The following CLSTN2 variants were observed in gnomAD, a reference collection of about 807,000 sequenced individuals.
CLSTN2 encodes calsyntenin-2.
CLSTN2 carries 48 observed loss-of-function variants against 101.2 expected under a neutral mutation model. That is an observed-to-expected ratio of 0.47 (90% CI 0.38 to 0.60). CLSTN2 has a LOEUF of 0.60. Among genes scored for constraint, CLSTN2 ranks in the 20% least tolerant of loss-of-function variants. The probability of loss-of-function intolerance (pLI) is 0.00; values close to 1 mark genes in which losing one functional copy is unlikely to be tolerated. For synonymous variants in CLSTN2, 481 were observed against 463.6 expected (o/e 1.04, Z -0.48); for missense variants, 1,160 against 1,238.2 (o/e 0.94, Z 0.95).
At chr3:140,265,414 G>A (rs750670172) in intron 2 of CLSTN2, among the ~76,000 whole-genome samples, 6 of 152,188 alleles carry the variant, frequency 3.9e-5, no homozygotes, top group Non-Finnish European at 7.3e-5. Context: ...CAGCAGAGGA[G>A]AGAAGGCTCA....
chr3:140,521,021 T>C (rs1362677127), intron 8 of CLSTN2, among the ~76,000 whole-genome samples: 1 of 151,874 alleles, frequency 6.6e-6, no homozygotes, highest in African/African-American at 2.4e-5. Flanking sequence ...TCCCATATCG[T>C]TTTATCATGA....
At chr3:140,432,280 G>A (rs1449033008) in intron 5 of CLSTN2, among the ~76,000 whole-genome samples, 2 of 152,138 alleles carry the variant, frequency 1.3e-5, no homozygotes, top group Admixed American at 6.5e-5. Context: ...TTGTTATGAG[G>A]ACCAGCTGCA....
At chr3:140,288,887 C>T (rs911422662) in intron 2 of CLSTN2, among the ~76,000 whole-genome samples, 4 of 152,146 alleles carry the variant, frequency 2.6e-5, no homozygotes, top group African/African-American at 9.7e-5. Flanking sequence ...TTTCACTCAC[C>T]CTTCATACCC....
intron 9 of CLSTN2, among the ~76,000 whole-genome samples, chr3:140,545,507 C>G (rs1366351926): frequency 1.3e-5 from 2 of 152,180 alleles, no homozygotes; most frequent in African/African-American, 4.8e-5. Context: ...TGGAATTCAA[C>G]CCAGGCCCAT....
At chr3:140,341,422 A>G (rs1351191954) in intron 2 of CLSTN2, among the ~76,000 whole-genome samples, 2 of 152,190 alleles carry the variant, frequency 1.3e-5, no homozygotes, top group African/African-American at 2.4e-5. Context: ...GCAACTTCCA[A>G]TAGTGTCGAT....
chr3:140,563,142 G>A lies in CLSTN2; in HGVS notation c.2421G>A (p.Gln807=). ...AGCATGTCAATCATCTGATTGTGCAGCCTCCCTTCCTCCAGTCTGTCCATC... is the reference window on the plus strand; with the variant it reads ...AGCATGTCAATCATCTGATTGTGCAACCTCCCTTCCTCCAGTCTGTCCATC... ...DKEHVNHLIV[Q]PPFLQSVHHP... is the part of the protein sequence containing the mutation. The change falls in exon 15 of 17, where the codon CAG becomes CAA. Residue 807 remains glutamine, a synonymous_variant. Coordinates refer to ENST00000458420, the MANE Select transcript of CLSTN2 (RefSeq NM_022131.3). The A allele has an allele frequency of 5.0e-6, 8 of 1,614,068 alleles. No individual in the cohort carries two copies. Among genetic ancestry groups the A allele is most frequent in the Non-Finnish European group, 6.8e-6 (8 of 1,179,958 alleles).
chr3:140,070,790 T>C (rs972085774), intron 1 of CLSTN2, among the ~76,000 whole-genome samples: 15 of 152,210 alleles, frequency 9.9e-5, no homozygotes, highest in Non-Finnish European at 1.9e-4. Flanking sequence ...CTGCTGTTTT[T>C]GTAAATAAAA....
At chr3:139,984,332 C>T (rs1420693683) in intron 1 of CLSTN2, among the ~76,000 whole-genome samples, 2 of 152,188 alleles carry the variant, frequency 1.3e-5, no homozygotes, top group African/African-American at 4.8e-5. Context: ...AAAGATGCTG[C>T]TTCAGGAGAT....
chr3:140,286,255 T>G (rs2086894879), intron 2 of CLSTN2, among the ~76,000 whole-genome samples: 2 of 152,176 alleles, frequency 1.3e-5, no homozygotes, highest in South Asian at 4.1e-4. Context: ...GAGCCTTTTA[T>G]TCATACCTGG....
At chr3:140,271,212 C>G (rs2086738667) in intron 2 of CLSTN2, among the ~76,000 whole-genome samples, 1 of 152,066 alleles carries the variant, frequency 6.6e-6, no homozygotes, top group Non-Finnish European at 1.5e-5. Flanking sequence ...CCTCTGCTCA[C>G]CAGGGTCCCA....
chr3:139,969,126 G>C (rs1024369495), intron 1 of CLSTN2, among the ~76,000 whole-genome samples: 4 of 152,102 alleles, frequency 2.6e-5, no homozygotes, highest in Admixed American at 2.6e-4. Flanking sequence ...GAGATGGATA[G>C]GAAGGGTCTT....
intron 1 of CLSTN2, among the ~76,000 whole-genome samples, chr3:140,158,625 A>G (rs1262831984): frequency 2.0e-5 from 3 of 152,146 alleles, no homozygotes; most frequent in Non-Finnish European, 4.4e-5. Context: ...TGCTGAAAAC[A>G]GTTTACAACA....
rs1269108238 is a variant in CLSTN2 at position 139,935,449 on chromosome 3, G to A, written c.75G>A (p.Gly25=). 1 of 1,231,478 alleles carries A rather than the reference G, an allele frequency of 8.1e-7. No homozygotes were observed. The allele number at this position is 1,231,478 out of a possible 1,614,324, so 76.3% of individuals were successfully genotyped here. Residue 25 remains glycine (G), a synonymous_variant, in exon 1 of 17, where the codon GGG becomes GGA. Coordinates refer to ENST00000458420, the MANE Select transcript of CLSTN2 (RefSeq NM_022131.3). The surrounding 1 kb of genome is among the most constrained non-coding windows in gnomAD (Gnocchi z 5.5). ...LGVGSGSGGG[G]DSRQRRLLAA... ...TGGGGAGCGGCAGCGGCGGTGGCGG[G>A]GACAGCCGGCAGCGCCGCCTCCTCG... is the stretch of plus-strand genomic sequence containing the variant.
intron 2 of CLSTN2, among the ~76,000 whole-genome samples, chr3:140,296,060 C>T (rs1005653122): frequency 3.3e-5 from 5 of 152,280 alleles, no homozygotes; most frequent in Non-Finnish European, 5.9e-5. Flanking sequence ...GCCTTTATAT[C>T]TGGATTTATT....
intron 2 of CLSTN2, among the ~76,000 whole-genome samples, chr3:140,230,009 T>C (rs2086356611): frequency 6.6e-6 from 1 of 152,160 alleles, no homozygotes. Flanking sequence ...ATTATTGCAT[T>C]CACATCTGTC....
chr3:140,254,811 C>A lies in CLSTN2; in HGVS notation c.232+78738C>A, dbSNP rs183310438. 2.6e-3 allele frequency among the ~76,000 whole-genome samples: 397 copies of A among 152,082 alleles called. 1 individual carries two copies. The highest frequency in any genetic ancestry group is 8.9e-3 in the African/African-American group (368 of 41,458). On this transcript the variant is annotated intron_variant, in intron 2 of 16. Coordinates refer to ENST00000458420, the MANE Select transcript of CLSTN2 (RefSeq NM_022131.3). ...AGACTCCAAAAGAAATTGCAGCAAA[C>A]ACAAAAATTGACAAGAGGGACTTAA...
chr3:140,004,769 T>C (rs531117241), intron 1 of CLSTN2, among the ~76,000 whole-genome samples: 1 of 152,056 alleles, frequency 6.6e-6, no homozygotes, highest in East Asian at 1.9e-4. Flanking sequence ...AATTTGATTG[T>C]TATCTTTGGC....
rs895409232 is a variant in CLSTN2, at chr3:140,426,870, A to G, written c.787+5596A>G. 3.3e-5 allele frequency among the ~76,000 whole-genome samples: 5 copies of G among 152,246 alleles called. No homozygotes were observed. In the South Asian group the frequency reaches 1.0e-3, roughly 32 times the overall value. ...TTTAGCAGATGAGCTATTTCTACAA[A>G]GCATCACTTAAAGAGAGAATGGGGC... On this transcript the variant is annotated intron_variant, in intron 5 of 16. Coordinates refer to ENST00000458420, the MANE Select transcript of CLSTN2 (RefSeq NM_022131.3).
intron 1 of CLSTN2, among the ~76,000 whole-genome samples, chr3:140,101,018 C>G (rs1423827263): frequency 1.3e-5 from 2 of 151,958 alleles, no homozygotes; most frequent in African/African-American, 4.8e-5. Context: ...TGTAGAGACC[C>G]TGGTTGGAAA....
Sources: gnomAD v4.1 joint callset for allele counts (sites outside exome capture counted in the v4.1 genomes callset) on GRCh38, gnomAD v4.1.1 for gene constraint, Gnocchi (gnomAD v3.1) non-coding constraint, MANE v1.5 for transcripts, NCBI Gene and HGNC (gene_info 2026-07-23, HGNC 2026-07-21) for gene names.